DNAH3: variants seen among roughly 807,000 people sequenced by gnomAD.
DNAH3 encodes dynein axonemal heavy chain 3, also known as axonemal beta dynein heavy chain 3.
A neutral mutation model predicts 432.5 loss-of-function variants in DNAH3; 332 were observed. The ratio of observed to expected loss-of-function variants is 0.77; its 90% CI spans 0.70 to 0.84. The LOEUF is 0.84. Ranked by LOEUF, DNAH3 falls within the 40% of genes least tolerant of loss-of-function variation. DNAH3 has a pLI of 0.00. For missense variants in DNAH3, 4,861 were observed against 5,114.0 expected (o/e 0.95, Z 1.51); for synonymous variants, 1,956 against 1,900.2 (o/e 1.03, Z -0.76).
chr16:21,033,930 C>T (rs371325863), intron 36 of DNAH3, 44 bp downstream of exon 36: 94 of 1,407,832 alleles, frequency 6.7e-5, no homozygotes, highest in Admixed American at 1.4e-4. Context: ...GCCAACTGAG[C>T]GAGGAGTTCT....
chr16:21,120,771 G>C, exon 11 of DNAH3: 1 of 1,614,118 alleles, frequency 6.2e-7, no homozygotes, highest in Non-Finnish European at 8.5e-7. Flanking sequence ...CGTGCATGCT[G>C]GGCTCTCCTG....
chr16:20,938,394 TAA>T (rs5816142), intron 59 of DNAH3, among the ~76,000 whole-genome samples: 2 of 143,308 alleles, frequency 1.4e-5, no homozygotes, highest in Non-Finnish European at 1.5e-5. Flanking sequence ...CTGTCTCAAT[TAA>T]AAAAAAAAAA....
At chr16:21,086,627 C>T (rs907288283) in intron 19 of DNAH3, among the ~76,000 whole-genome samples, 1 of 152,192 alleles carries the variant, frequency 6.6e-6, no homozygotes, top group Non-Finnish European at 1.5e-5. Context: ...GAACCACGAC[C>T]AATGGGGGTT....
rs772361582 is a variant in DNAH3 at position 20,988,068 on chromosome 16, G to A, written c.6602-3C>T. On this transcript the variant is annotated splice_region_variant and splice_polypyrimidine_tract_variant and intron_variant, in intron 44 of 61. Coordinates refer to ENST00000261383, the Ensembl canonical transcript of DNAH3. Reference sequence around the variant, plus strand: ...ATTCAGATGGCGAGTGAATCGTCCTGGGGAATACAACACACAAGTGAATCA... The same window carrying A: ...ATTCAGATGGCGAGTGAATCGTCCTAGGGAATACAACACACAAGTGAATCA... 1.9e-6 allele frequency: 3 copies of A among 1,613,812 alleles called. No individual in the cohort carries two copies. The highest frequency in any genetic ancestry group is 1.7e-5 in the Admixed American group (1 of 60,002).
chr16:21,067,235 C>A (rs565133624), intron 24 of DNAH3, 48 bp downstream of exon 24: 2 of 1,605,336 alleles, frequency 1.2e-6, no homozygotes, highest in East Asian at 2.2e-5. Flanking sequence ...ATTCTACCTA[C>A]ATATGGGGCA....
chr16:20,969,292 ATGTGTG>A (rs35457410), intron 52 of DNAH3, among the ~76,000 whole-genome samples: 7 of 145,924 alleles, frequency 4.8e-5, no homozygotes, highest in Non-Finnish European at 1.1e-4. Flanking sequence ...ATGTGTGTGC[ATGTGTG>A]TGTGTGTGTG....
At chr16:21,012,487 A>G (rs2087650715) in intron 41 of DNAH3, among the ~76,000 whole-genome samples, 1 of 152,240 alleles carries the variant, frequency 6.6e-6, no homozygotes, top group South Asian at 2.1e-4. Flanking sequence ...ACAGAATGCC[A>G]AAATACATGA....
intron 3 of DNAH3, 143 bp from the exon 5 acceptor site, chr16:21,141,515 G>A (rs2092719128): frequency 3.3e-6 from 2 of 613,368 alleles, no homozygotes; most frequent in African/African-American, 3.7e-5. Flanking sequence ...AGGAGATGTG[G>A]GCTCAGGTCT....
At chr16:20,999,997 G>A (rs1029701370) in intron 43 of DNAH3, among the ~76,000 whole-genome samples, 3 of 149,954 alleles carry the variant, frequency 2.0e-5, no homozygotes, top group Non-Finnish European at 4.4e-5. Flanking sequence ...GAGGAAAGAA[G>A]GAAGGAAGGA....
intron 18 of DNAH3, among the ~76,000 whole-genome samples, chr16:21,092,301 A>C (rs1357228078): frequency 1.3e-5 from 2 of 152,178 alleles, no homozygotes; most frequent in African/African-American, 4.8e-5. Flanking sequence ...TAACCCATCC[A>C]AAAATAGAAC....
rs371496195 is a variant in DNAH3 at position 21,106,378 on chromosome 16, C to T, written c.2284+112G>A. 6.0e-5 allele frequency: 55 copies of T among 921,636 alleles called. 1 individual carries two copies. In the South Asian group the frequency reaches 2.4e-3, roughly 40 times the overall value. The allele number at this position is 921,636 out of a possible 1,614,324, so 57.1% of individuals were successfully genotyped here. On this transcript the variant is annotated intron_variant, in intron 15 of 61. Transcript: ENST00000261383. ...CATATAACTATCCTTTTGCTCAACA[C>T]TTTACCCCTAAATATATAAATACAT...
At chr16:20,949,008 G>C (rs928091110) in intron 56 of DNAH3, among the ~76,000 whole-genome samples, 33 of 152,168 alleles carry the variant, frequency 2.2e-4, no homozygotes, top group African/African-American at 7.7e-4. Flanking sequence ...GACTTCAGGG[G>C]AACAGCCTTT....
In DNAH3 at chr16:21,078,970, T is replaced by C. The variant is rs374648783; in HGVS notation, c.2969+2666A>G. On this transcript the variant is annotated intron_variant, in intron 20 of 61. Transcript: ENST00000261383. ...CTCTAATCACCTAGCTACTCTCCCATGTTACAAATGGAACCAAGGCGCACA... is the reference window on the plus strand; with the variant it reads ...CTCTAATCACCTAGCTACTCTCCCACGTTACAAATGGAACCAAGGCGCACA... Among the ~76,000 whole-genome samples the C allele has an allele frequency of 3.0e-4, 46 of 152,326 alleles. No homozygotes were observed. In the South Asian group the frequency reaches 7.7e-3, roughly 25 times the overall value.
chr16:20,997,313 G>A (rs947350184), exon 44 of DNAH3: 5 of 1,614,076 alleles, frequency 3.1e-6, no homozygotes, highest in Non-Finnish European at 4.2e-6. Context: ...CCCCCGGGGG[G>A]CCCCATGGCT....
chr16:21,061,158 C>T (rs1200112455), intron 25 of DNAH3, among the ~76,000 whole-genome samples: 1 of 150,098 alleles, frequency 6.7e-6, no homozygotes, highest in Admixed American at 6.7e-5. Context: ...GCCAATATTC[C>T]AATATTCTTT....
At chr16:21,107,239 CTTT>C (rs5816146) in intron 14 of DNAH3, among the ~76,000 whole-genome samples, 23 of 91,292 alleles carry the variant, frequency 2.5e-4, no homozygotes, top group Non-Finnish European at 3.0e-4. Context: ...AATTTTTAAT[CTTT>C]TTTTTTTTTT....
At chr16:21,117,286 A>G (rs781736129) in exon 12 of DNAH3, 2 of 1,611,526 alleles carry the variant, frequency 1.2e-6, no homozygotes, top group Non-Finnish European at 8.5e-7. Context: ...CTGCGTTAAC[A>G]GTTCCAAGGA....
rs1006063907 is a variant in DNAH3, at chr16:21,133,128, G to T, written c.1082+1131C>A. 1.3e-5 allele frequency among the ~76,000 whole-genome samples: 2 copies of T among 152,090 alleles called. 1 individual carries two copies. The highest frequency in any genetic ancestry group is 4.2e-4 in the South Asian group (2 of 4,808). On this transcript the variant is annotated intron_variant, in intron 7 of 61. Coordinates refer to ENST00000261383, the Ensembl canonical transcript of DNAH3. ...GAACTTTGGGGTGCCGATGTGGGTGGATTGCTTGAGCTTAGGAGTTTGAGA... is the reference window on the plus strand; with the variant it reads ...GAACTTTGGGGTGCCGATGTGGGTGTATTGCTTGAGCTTAGGAGTTTGAGA...
rs749860812 is a variant in DNAH3 at position 20,944,464 on chromosome 16, A to G, written c.11511+32T>C. ...CTGGATGAAGAACTGCCTGGGAAAT[A>G]GGATTAAGCCCCCTTTCCCGAGCCC... On this transcript the variant is annotated intron_variant, in intron 58 of 61. Transcript: ENST00000261383. 1.9e-6 allele frequency: 3 copies of G among 1,610,994 alleles called. 1 individual carries two copies. The South Asian group carries it at 3.3e-5, about 18-fold the overall frequency.
Sources: allele counts gnomAD v4.1 joint callset (sites outside exome capture counted in the v4.1 genomes callset), GRCh38; gene constraint gnomAD v4.1.1; transcripts MANE v1.5; gene names NCBI Gene and HGNC (gene_info 2026-07-23, HGNC 2026-07-21).